NPY: variants seen among roughly 807,000 people sequenced by gnomAD.
NPY encodes the protein neuropeptide Y, also known as pro-neuropeptide Y.
A neutral mutation model predicts 13.2 loss-of-function variants in NPY; 11 were observed. That is an observed-to-expected ratio of 0.83 (90% CI 0.52 to 1.38). The LOEUF (loss-of-function observed/expected upper bound fraction) is 1.38, where lower values mean the gene tolerates loss of function less well. Ranked by LOEUF, NPY falls within the 40% of genes most tolerant of loss-of-function variation. The probability of loss-of-function intolerance (pLI) is 0.00; values close to 1 mark genes in which losing one functional copy is unlikely to be tolerated. For missense variants in NPY, 109 were observed against 125.1 expected (o/e 0.87, Z 0.61); for synonymous variants, 51 against 55.6 (o/e 0.92, Z 0.37).
chr7:24,284,915 G>T, intron 1 of NPY: 1 of 428,512 alleles, frequency 2.3e-6, no homozygotes, highest in East Asian at 4.9e-5. Flanking sequence ...GACCCAGCAG[G>T]AAGAACTTCC....
chr7:24,288,485 A>G (rs1342622738), intron 2 of NPY, among the ~76,000 whole-genome samples: 2 of 152,170 alleles, frequency 1.3e-5, no homozygotes, highest in African/African-American at 4.8e-5. Context: ...TCCATACCAG[A>G]CTAATTTATT....
Position 24,285,206 on chromosome 7 carries a change from C to T in NPY, c.1-35C>T. Reference sequence around the variant, plus strand: ...GTGCTGCGCGTGGGTGCTCTGAATCCCCAAGCCCGTCCGTTGAGCCTTCTG... The same window carrying T: ...GTGCTGCGCGTGGGTGCTCTGAATCTCCAAGCCCGTCCGTTGAGCCTTCTG... On this transcript the variant is annotated intron_variant, in intron 1 of 3. Transcript: ENST00000242152. The surrounding 1 kb of genome is among the most constrained non-coding windows in gnomAD (Gnocchi z 4.9). 6.2e-7 allele frequency: 1 copy of T among 1,612,416 alleles called. No individual in the cohort carries two copies. The highest frequency in any genetic ancestry group is 8.5e-7 in the Non-Finnish European group (1 of 1,178,822).
At chr7:24,289,628 C>G in intron 3 of NPY, 49 bp downstream of exon 3, 1 of 1,478,890 alleles carries the variant, frequency 6.8e-7, no homozygotes, top group African/African-American at 1.4e-5. Flanking sequence ...TCAAGGTGCC[C>G]AGGGGAGGGA....
At chr7:24,290,121 A>G (rs1787546667) in intron 3 of NPY, among the ~76,000 whole-genome samples, 1 of 152,156 alleles carries the variant, frequency 6.6e-6, no homozygotes, top group Non-Finnish European at 1.5e-5. Flanking sequence ...ATTACATTCA[A>G]CGAATGCACG....
In NPY at chr7:24,291,808, T is replaced by C. The variant is rs1787628287; in HGVS notation, c.*121T>C. On this transcript the variant is annotated 3_prime_UTR_variant, in exon 4 of 4. Transcript: ENST00000242152. ...CACTGTGCTGAATTCTGCAATGTTTTCCTTTGTCATCATTGTATATATGTG... is the reference window on the plus strand; with the variant it reads ...CACTGTGCTGAATTCTGCAATGTTTCCCTTTGTCATCATTGTATATATGTG... 2 of 1,074,802 alleles carry C rather than the reference T, an allele frequency of 1.9e-6. No homozygotes were observed. Among genetic ancestry groups the C allele is most frequent in the Non-Finnish European group, 2.8e-6 (2 of 706,366 alleles). 66.6% of individuals were successfully genotyped at this position (1,074,802 alleles called of 1,614,324 possible).
At chr7:24,291,516 CA>C in intron 3 of NPY, 146 bp from the exon 4 acceptor site, 1 of 843,508 alleles carries the variant, frequency 1.2e-6, no homozygotes, top group Non-Finnish European at 1.9e-6. Flanking sequence ...TCTGATATTC[CA>C]CATGGCTTCT....
At chr7:24,284,959 C>G in intron 1 of NPY, 2 of 530,594 alleles carry the variant, frequency 3.8e-6, no homozygotes, top group South Asian at 4.5e-5. Flanking sequence ...GGCGGGGCCC[C>G]CACCTTGCAC....
At position 24,291,774 on chromosome 7, in the gene NPY, G is replaced by T; in HGVS notation, c.*87G>T. On this transcript the variant is annotated 3_prime_UTR_variant, in exon 4 of 4. Coordinates refer to ENST00000242152, the MANE Select transcript of NPY (RefSeq NM_000905.4). The stretch of plus-strand genomic sequence containing the variant: ...ACGAGAATCCACCCATCCTACCAAT[G>T]CATGCAGCCACTGTGCTGAATTCTG... The T allele has an allele frequency of 7.0e-7, 1 of 1,433,288 alleles. No individual in the cohort carries two copies. Among genetic ancestry groups the T allele is most frequent in the Non-Finnish European group, 9.8e-7 (1 of 1,016,720 alleles). 88.8% of individuals were successfully genotyped at this position (1,433,288 alleles called of 1,614,324 possible).
rs1787324696 is a variant in NPY, at chr7:24,285,393, G to A, written c.153G>A (p.Ala51=). The change falls in exon 2 of 4, where the codon GCG becomes GCA. Residue 51 remains alanine, a synonymous_variant. Coordinates refer to ENST00000242152, the MANE Select transcript of NPY (RefSeq NM_000905.4). This position sits in a 1 kb window ranked among gnomAD's most constrained non-coding sequence, Gnocchi z 4.9. ...AGGACATGGCCAGATACTACTCGGC[G>A]CTGCGACACTACATCAACCTCATCA... The part of the protein sequence containing the change: ...PAEDMARYYS[A]LRHYINLITR... The A allele has an allele frequency of 6.2e-7, 1 of 1,613,882 alleles. No homozygotes were observed. The highest frequency in any genetic ancestry group is 8.5e-7 in the Non-Finnish European group (1 of 1,179,996).
intron 2 of NPY, among the ~76,000 whole-genome samples, 157 bp from the exon 3 acceptor site, chr7:24,289,342 C>T (rs1020549480): frequency 3.3e-5 from 5 of 151,626 alleles, no homozygotes; most frequent in Admixed American, 1.3e-4. Context: ...GATAATGTTT[C>T]GATAATATAT....
intron 2 of NPY, among the ~76,000 whole-genome samples, chr7:24,286,285 AACTATTTTACAAATT>A (rs370832857): frequency 0.018 from 2,763 of 152,290 alleles, 93 homozygotes; most frequent in African/African-American, 0.064. Flanking sequence ...ATCAAATCCA[AACTATTTTACAAATT>A]ACATAGGATT....
At chr7:24,284,783 C>A in intron 1 of NPY, 1 of 180,758 alleles carries the variant, frequency 5.5e-6, no homozygotes, top group Non-Finnish European at 1.2e-5. Flanking sequence ...TTCCCCACCG[C>A]AGTCGTCACC....
intron 3 of NPY, 83 bp downstream of exon 3, chr7:24,289,662 G>A (rs1353709150): frequency 6.0e-6 from 6 of 1,007,350 alleles, no homozygotes; most frequent in Non-Finnish European, 9.0e-6. Flanking sequence ...TGCCTGGTGG[G>A]AGGCACCACC....
chr7:24,291,565 C>A (rs16127), intron 3 of NPY, 98 bp from the exon 4 acceptor site: 10 of 1,408,060 alleles, frequency 7.1e-6, no homozygotes, highest in Non-Finnish European at 9.9e-6. Context: ...CAACAGTTCC[C>A]GGTCATCTTT....
chr7:24,289,517 C>A lies in NPY; in HGVS notation c.207C>A (p.Ser69Arg). 6.2e-7 allele frequency: 1 copy of A among 1,609,320 alleles called. No individual in the cohort carries two copies. The highest frequency in any genetic ancestry group is 8.5e-7 in the Non-Finnish European group (1 of 1,177,704). The change falls in exon 3 of 4, where the codon AGC becomes AGA. Residue 69 changes from serine to arginine, a missense_variant. Physicochemically the swap from Ser to Arg is moderately radical, Grantham distance 110 (BLOSUM62 -1). Coordinates refer to ENST00000242152, the MANE Select transcript of NPY (RefSeq NM_000905.4). Reference sequence around the variant, plus strand: ...TTTCCAGATATGGAAAACGATCCAGCCCAGAGACACTGATTTCAGACCTCT... The same window carrying A: ...TTTCCAGATATGGAAAACGATCCAGACCAGAGACACTGATTTCAGACCTCT... The part of the protein sequence containing the change: ...ITRQRYGKRS[S>R]PETLISDLLM...
intron 3 of NPY, among the ~76,000 whole-genome samples, chr7:24,290,130 C>T (rs538594896): frequency 6.6e-6 from 1 of 152,174 alleles, no homozygotes; most frequent in East Asian, 1.9e-4. Context: ...AACGAATGCA[C>T]GTTGAATGAC....
Position 24,285,092 on chromosome 7 carries a change from C to A in NPY, c.1-149C>A. 1 of 826,512 alleles carries A rather than the reference C, an allele frequency of 1.2e-6. No individual in the cohort carries two copies. 51.2% of individuals were successfully genotyped at this position (826,512 alleles called of 1,614,324 possible). ...AGCCCGCAAGGTGGTGCTAGCCACT[C>A]CTGGGTTCTCTCTGCGGGACTGGGA... On this transcript the variant is annotated intron_variant, in intron 1 of 3. Coordinates refer to ENST00000242152, the MANE Select transcript of NPY (RefSeq NM_000905.4). The surrounding 1 kb of genome is among the most constrained non-coding windows in gnomAD (Gnocchi z 4.9).
intron 2 of NPY, among the ~76,000 whole-genome samples, chr7:24,288,262 A>AGACG (rs1787466460): frequency 6.6e-6 from 1 of 152,154 alleles, no homozygotes; most frequent in Non-Finnish European, 1.5e-5. Context: ...ATAAGCAGAC[A>AGACG]CCTATAGTCT....
At chr7:24,289,688 G>A (rs1476875434) in intron 3 of NPY, 109 bp downstream of exon 3, 1 of 658,414 alleles carries the variant, frequency 1.5e-6, no homozygotes, top group East Asian at 2.9e-5. Context: ...TCTAGACTAG[G>A]GGAGATTTCG....
Sources: gnomAD v4.1 joint callset for allele counts (sites outside exome capture counted in the v4.1 genomes callset) on GRCh38, gnomAD v4.1.1 for gene constraint, Gnocchi (gnomAD v3.1) non-coding constraint, MANE v1.5 for transcripts, NCBI Gene and HGNC (gene_info 2026-07-23, HGNC 2026-07-21) for gene names.